GPHN: variants seen among roughly 807,000 people sequenced by gnomAD.
GPHN encodes the protein gephyrin.
A neutral mutation model predicts 95.5 loss-of-function variants in GPHN; 17 were observed. The ratio of observed to expected loss-of-function variants is 0.18; its 90% CI spans 0.12 to 0.27. The LOEUF (loss-of-function observed/expected upper bound fraction) is 0.27, where lower values mean the gene tolerates loss of function less well. GPHN is among the 10% of genes least tolerant of loss of function. The pLI is 1.00. For missense variants in GPHN, 660 were observed against 978.1 expected (o/e 0.67, Z 4.34); for synonymous variants, 320 against 322.5 (o/e 0.99, Z 0.08).
At chr14:66,850,048 T>C (rs994378660) in intron 4 of GPHN, among the ~76,000 whole-genome samples, 4 of 152,146 alleles carry the variant, frequency 2.6e-5, no homozygotes, top group Non-Finnish European at 5.9e-5. Flanking sequence ...TTTTCATGGC[T>C]GATGCATGAT....
chr14:67,249,203 T>A, the GPHN span, among the ~76,000 whole-genome samples: 1 of 150,032 alleles, frequency 6.7e-6, no homozygotes, highest in Admixed American at 6.6e-5. Flanking sequence ...CTCAGGTGAT[T>A]TGCACGTCTC....
chr14:67,359,784 C>T, the GPHN span: 1 of 1,492,366 alleles, frequency 6.7e-7, no homozygotes, highest in East Asian at 2.3e-5. Flanking sequence ...GTGTCTTCCT[C>T]TACGGGAGTC....
intron 10 of GPHN, among the ~76,000 whole-genome samples, chr14:67,047,427 G>A (rs1388918284): frequency 6.8e-6 from 1 of 147,810 alleles, no homozygotes; most frequent in Admixed American, 6.8e-5. Flanking sequence ...GTGCAGTGGT[G>A]CAATCTCGGC....
chr14:67,456,750 C>T, the GPHN span, among the ~76,000 whole-genome samples: 3 of 152,152 alleles, frequency 2.0e-5, no homozygotes, highest in Admixed American at 1.3e-4. Context: ...ACAGAACTAC[C>T]GTTTGACTTA....
chr14:67,691,518 T>C, the GPHN span: 9 of 316,430 alleles, frequency 2.8e-5, no homozygotes, highest in East Asian at 6.0e-5. Context: ...TTGGGAATTG[T>C]TGCATCCACC....
chr14:66,758,931 A>C (rs778603864), intron 2 of GPHN, among the ~76,000 whole-genome samples: 6 of 152,204 alleles, frequency 3.9e-5, no homozygotes, highest in Admixed American at 6.5e-5. Context: ...ATTAGAATTT[A>C]ATGGCAAGTG....
the GPHN span, among the ~76,000 whole-genome samples, chr14:67,499,134 C>G: frequency 0.58 from 88,766 of 151,848 alleles, 27,602 homozygotes; most frequent in Non-Finnish European, 0.69. Flanking sequence ...TCCTAAGTAG[C>G]TAGGACTACA....
the GPHN span, among the ~76,000 whole-genome samples, chr14:67,331,270 C>G: frequency 1.3e-5 from 2 of 152,154 alleles, 1 homozygote; most frequent in Middle Eastern, 6.3e-3. Context: ...GTCTCAAGCT[C>G]CCGGCCCCAT....
intron 8 of GPHN, among the ~76,000 whole-genome samples, chr14:66,948,989 T>C (rs922203738): frequency 2.0e-5 from 3 of 152,192 alleles, no homozygotes; most frequent in Admixed American, 2.0e-4. Flanking sequence ...TTATAACCTC[T>C]GAAGGATCAG....
the GPHN span, among the ~76,000 whole-genome samples, chr14:67,226,588 T>C: frequency 2.0e-5 from 3 of 152,190 alleles, no homozygotes; most frequent in African/African-American, 4.8e-5. Context: ...CTCAAACTCC[T>C]GACCTCAAGT....
the GPHN span, among the ~76,000 whole-genome samples, chr14:67,474,243 C>G: frequency 3.4e-5 from 5 of 145,288 alleles, no homozygotes; most frequent in South Asian, 2.2e-4. Context: ...CAGAGTGAGA[C>G]TCTGTCTCCA....
chr14:67,380,840 A>G, the GPHN span: 2 of 728,508 alleles, frequency 2.7e-6, no homozygotes, highest in Non-Finnish European at 4.2e-6. Flanking sequence ...AGACTTACCA[A>G]AGAATATGTT....
chr14:67,546,499 T>C, the GPHN span, among the ~76,000 whole-genome samples: 671 of 152,292 alleles, frequency 4.4e-3, 18 homozygotes, highest in East Asian at 0.061. Context: ...CAAGCGATTC[T>C]CCTGCCTTAG....
the GPHN span, chr14:67,203,224 A>G: frequency 1.2e-6 from 2 of 1,613,272 alleles, no homozygotes; most frequent in Non-Finnish European, 1.7e-6. Flanking sequence ...CCTGGTGCCC[A>G]AAAAGATACA....
chr14:67,384,269 A>T, the GPHN span: 1 of 151,986 alleles, frequency 6.6e-6, no homozygotes, highest in South Asian at 2.1e-4. Flanking sequence ...AATATCACCC[A>T]ATTTTTTATT....
chr14:67,185,382 T>G (rs17104096), downstream of GPHN, among the ~76,000 whole-genome samples: 10,038 of 152,290 alleles, frequency 0.066, 350 homozygotes, highest in Middle Eastern at 0.085. Flanking sequence ...GAACACACTT[T>G]AAGTGAAAAC....
chr14:66,980,319 C>T (rs2070569451), intron 9 of GPHN, among the ~76,000 whole-genome samples: 1 of 152,060 alleles, frequency 6.6e-6, no homozygotes, highest in African/African-American at 2.4e-5. Flanking sequence ...CCAGGCTAAG[C>T]CAGTCTCTTC....
At chr14:67,664,434 G>A in the GPHN span, among the ~76,000 whole-genome samples, 11 of 152,036 alleles carry the variant, frequency 7.2e-5, no homozygotes, top group African/African-American at 2.7e-4. Flanking sequence ...GCCTTTTAAA[G>A]CTATGTATTT....
At chr14:67,236,151 C>A in the GPHN span, among the ~76,000 whole-genome samples, 3 of 152,140 alleles carry the variant, frequency 2.0e-5, no homozygotes, top group Non-Finnish European at 4.4e-5. Flanking sequence ...TAACTATATA[C>A]TCACCATGTT....
Sources: gnomAD v4.1 joint callset for allele counts (sites outside exome capture counted in the v4.1 genomes callset) on GRCh38, gnomAD v4.1.1 for gene constraint, MANE v1.5 for transcripts, NCBI Gene and HGNC (gene_info 2026-07-23, HGNC 2026-07-21) for gene names.